Variants in CALCR observed in about 807,000 individuals in gnomAD.
CALCR encodes the protein calcitonin receptor.
Under a neutral mutation model 59.5 loss-of-function variants are expected in CALCR, and 47 were observed. The observed-to-expected ratio is 0.79, with a 90% CI of 0.63 to 1.01. CALCR has a LOEUF of 1.01. CALCR is among the 50% of genes least tolerant of loss of function. The pLI, the probability that CALCR is intolerant of heterozygous loss-of-function variation, is 0.00. For synonymous variants in CALCR, 213 were observed against 211.3 expected (o/e 1.01, Z -0.07); for missense variants, 566 against 597.1 (o/e 0.95, Z 0.54).
In CALCR at chr7:93,436,120, C is replaced by T; in HGVS notation, c.981G>A (p.Met327Ile). The T allele has an allele frequency of 6.2e-7, 1 of 1,614,158 alleles. No individual in the cohort carries two copies. ...GGGATTCCGCCTCATGGGTTTCCCT[C>T]ATTTTGGTCACAAGCACCCGGACAA... ...LNIVRVLVTKMRETHEAESHM... is the reference protein window; with the variant it reads ...LNIVRVLVTKIRETHEAESHM... The change falls in exon 12 of 14, where the codon ATG becomes ATA. Residue 327 changes from methionine to isoleucine, a missense_variant. By Grantham distance (10) the Met-to-Ile change is conservative. Transcript: ENST00000426151.
At position 93,519,127 on chromosome 7, in the gene CALCR, T is replaced by G. The variant is rs191064687; in HGVS notation, c.-26-32120A>C. Among the ~76,000 whole-genome samples the G allele has an allele frequency of 2.3e-3, 355 of 152,122 alleles. 1 individual carries two copies. Among genetic ancestry groups the G allele is most frequent in the Middle Eastern group, 3.4e-3 (1 of 292 alleles). ...TCTTATATGAAGGCTTTTTTAAACTTATAGACCTTAAAGATGTTCAGTCTT... is the reference window on the plus strand; with the variant it reads ...TCTTATATGAAGGCTTTTTTAAACTGATAGACCTTAAAGATGTTCAGTCTT... On this transcript the variant is annotated intron_variant, in intron 2 of 13. Transcript: ENST00000426151.
chr7:93,565,462 C>T (rs1789843089), intron 2 of CALCR, among the ~76,000 whole-genome samples: 1 of 152,296 alleles, frequency 6.6e-6, no homozygotes, highest in Non-Finnish European at 1.5e-5. Context: ...TGCTAAGTTT[C>T]TCATTGACCT....
chr7:93,459,446 C>A (rs1800273138), intron 8 of CALCR, among the ~76,000 whole-genome samples: 1 of 152,048 alleles, frequency 6.6e-6, no homozygotes, highest in Non-Finnish European at 1.5e-5. Flanking sequence ...CTTTTTAGTT[C>A]TGGTTTTTGT....
intron 2 of CALCR, among the ~76,000 whole-genome samples, chr7:93,559,217 C>T (rs994751664): frequency 2.0e-5 from 3 of 152,092 alleles, no homozygotes; most frequent in Admixed American, 6.6e-5. Flanking sequence ...TACCACACCT[C>T]TTTCTTACCC....
chr7:93,571,743 G>A (rs1387991805), intron 2 of CALCR, among the ~76,000 whole-genome samples: 6 of 152,108 alleles, frequency 3.9e-5, no homozygotes, highest in South Asian at 2.1e-4. Context: ...GGCTTTGAGC[G>A]AGTTCATTAA....
At chr7:93,473,894 T>TA (rs1800610356) in intron 5 of CALCR, among the ~76,000 whole-genome samples, 1 of 151,732 alleles carries the variant, frequency 6.6e-6, no homozygotes, top group South Asian at 2.1e-4. Context: ...CTGCTTTTTT[T>TA]ATTTTAATTT....
intron 3 of CALCR, among the ~76,000 whole-genome samples, chr7:93,481,029 C>A (rs1364759261): frequency 6.6e-6 from 1 of 151,774 alleles, no homozygotes; most frequent in Non-Finnish European, 1.5e-5. Context: ...TCACTTTGAG[C>A]AGGTTAGCAA....
chr7:93,494,806 A>G (rs560820505), intron 2 of CALCR, among the ~76,000 whole-genome samples: 32 of 151,604 alleles, frequency 2.1e-4, no homozygotes, highest in African/African-American at 7.7e-4. Flanking sequence ...AAGGAAGAGT[A>G]GAATCAGGCT....
chr7:93,517,317 A>ACTTTTTTT (rs1191258842), intron 2 of CALCR, among the ~76,000 whole-genome samples: 2 of 127,858 alleles, frequency 1.6e-5, no homozygotes, highest in African/African-American at 7.9e-5. Context: ...TTTTTTTTTA[A>ACTTTTTTT]TTTGCTAGCC....
chr7:93,550,486 C>T (rs1437052027), intron 2 of CALCR, among the ~76,000 whole-genome samples: 3 of 66,244 alleles, frequency 4.5e-5, no homozygotes, highest in South Asian at 1.4e-3. Flanking sequence ...AAAACTCCGT[C>T]TCAAAAAAAA....
intron 2 of CALCR, among the ~76,000 whole-genome samples, chr7:93,540,618 G>C (rs1433191946): frequency 2.0e-5 from 3 of 150,938 alleles, no homozygotes; most frequent in African/African-American, 7.3e-5. Context: ...ATTTGTATTT[G>C]TTTTATCTCT....
chr7:93,517,315 T>TTCTTTTTTTTTTTTTTATTAC (rs138217909), intron 2 of CALCR, among the ~76,000 whole-genome samples: 1 of 150,966 alleles, frequency 6.6e-6, no homozygotes, highest in African/African-American at 2.5e-5. Context: ...TTTTTTTTTT[T>TTCTTTTTTTTTTTTTTATTAC]AATTTGCTAG....
intron 3 of CALCR, among the ~76,000 whole-genome samples, chr7:93,483,337 T>A (rs1418986046): frequency 6.6e-6 from 1 of 151,498 alleles, no homozygotes; most frequent in Non-Finnish European, 1.5e-5. Context: ...TACAATTTTT[T>A]CCTGAATATT....
intron 3 of CALCR, among the ~76,000 whole-genome samples, chr7:93,480,395 TG>T (rs957782061): frequency 3.3e-5 from 5 of 152,006 alleles, no homozygotes; most frequent in African/African-American, 1.2e-4. Flanking sequence ...TTTCTTTTTT[TG>T]AGGAGACCTA....
At chr7:93,468,837 A>AACAAACAAACAC (rs2115841901) in intron 6 of CALCR, 31 bp from the exon 7 acceptor site, 7 of 1,230,042 alleles carry the variant, frequency 5.7e-6, no homozygotes, top group African/African-American at 1.5e-5. Context: ...CAAACAAACA[A>AACAAACAAACAC]TGAATGAATG....
chr7:93,556,941 A>T (rs2106734), intron 2 of CALCR, among the ~76,000 whole-genome samples: 18,945 of 152,036 alleles, frequency 0.12, 2,051 homozygotes, highest in East Asian at 0.36. Context: ...GAGCCAAAGC[A>T]TATGGGATTT....
At chr7:93,437,583 A>T (rs1799806449) in intron 11 of CALCR, among the ~76,000 whole-genome samples, 1 of 152,206 alleles carries the variant, frequency 6.6e-6, no homozygotes, top group Non-Finnish European at 1.5e-5. Context: ...TAGCATCCTC[A>T]GTAAGCATCT....
At chr7:93,519,873 C>T (rs968346644) in intron 2 of CALCR, among the ~76,000 whole-genome samples, 1 of 151,998 alleles carries the variant, frequency 6.6e-6, no homozygotes, top group Non-Finnish European at 1.5e-5. Context: ...TTCTCCTTCA[C>T]CTTTGACTAT....
chr7:93,440,108 C>A (rs1179911651), intron 9 of CALCR, among the ~76,000 whole-genome samples: 1 of 152,108 alleles, frequency 6.6e-6, no homozygotes, highest in Non-Finnish European at 1.5e-5. Flanking sequence ...AATGAATGGG[C>A]TTTACATCAC....
Sources: allele counts gnomAD v4.1 joint callset (sites outside exome capture counted in the v4.1 genomes callset), GRCh38; gene constraint gnomAD v4.1.1; transcripts MANE v1.5; gene names NCBI Gene and HGNC (gene_info 2026-07-23, HGNC 2026-07-21).